Variants in ITGB3 observed in about 807,000 individuals in gnomAD.
ITGB3 encodes integrin subunit beta 3.
In ITGB3, 48 loss-of-function variants were observed where a neutral mutation model predicts 85.8. That is an observed-to-expected ratio of 0.56 (90% confidence interval 0.44 to 0.71). The LOEUF (loss-of-function observed/expected upper bound fraction) is 0.71. Among genes scored for constraint, ITGB3 ranks in the 30% least tolerant of loss-of-function variants. ITGB3 has a pLI of 0.00. For synonymous variants in ITGB3, 363 were observed against 395.6 expected, an observed-to-expected ratio of 0.92 and a Z score of 0.98; for missense variants, 861 against 1,019.1, an observed-to-expected ratio of 0.84 and a Z score of 2.11.
At chr17:47,272,728 GTTCTTTCTT>G (rs2065049850) in intron 1 of ITGB3, among the ~76,000 whole-genome samples, 2 of 51,270 alleles carry the variant, frequency 3.9e-5, no homozygotes, top group African/African-American at 1.6e-4. Context: ...TCTTTCTTTC[GTTCTTTCTT>G]TTCTTTCTTT....
intron 6 of ITGB3, 61 bp from the exon 7 acceptor site, chr17:47,289,620 G>A: frequency 8.2e-7 from 1 of 1,226,040 alleles, no homozygotes; most frequent in Non-Finnish European, 1.2e-6. Context: ...TAAGTTCTAA[G>A]CTTTAGACCC....
intron 1 of ITGB3, chr17:47,259,348 TG>T (rs1298236236): frequency 2.6e-4 from 1 of 3,916 alleles, no homozygotes; most frequent in African/African-American, 9.0e-4. Flanking sequence ...TTTGGGAGGG[TG>T]GGTGGGTGGG....
chr17:47,283,632 G>C, intron 3 of ITGB3, 83 bp downstream of exon 3: 1 of 1,339,040 alleles, frequency 7.5e-7, no homozygotes, highest in East Asian at 2.3e-5. Flanking sequence ...GGAAGTCTTG[G>C]GGAAGTAGCT....
At chr17:47,270,996 C>T (rs1294480472) in intron 1 of ITGB3, among the ~76,000 whole-genome samples, 1 of 152,200 alleles carries the variant, frequency 6.6e-6, no homozygotes. Context: ...TATTCCCCTA[C>T]CTTTCATTTT....
At chr17:47,284,387 C>A in intron 3 of ITGB3, 56 bp from the exon 4 acceptor site, 1 of 1,609,752 alleles carries the variant, frequency 6.2e-7, no homozygotes, top group Non-Finnish European at 8.5e-7. Context: ...TCCAAATCTG[C>A]TTATTCAATC....
intron 12 of ITGB3, among the ~76,000 whole-genome samples, chr17:47,301,538 G>A (rs796298879): frequency 2.6e-5 from 4 of 152,286 alleles, no homozygotes; most frequent in African/African-American, 7.2e-5. Context: ...AGTTCAGAGA[G>A]GAGAGGCTGC....
intron 1 of ITGB3, among the ~76,000 whole-genome samples, chr17:47,267,039 A>G (rs1338735976): frequency 6.6e-6 from 1 of 152,210 alleles, no homozygotes; most frequent in Non-Finnish European, 1.5e-5. Flanking sequence ...CAAGGAAAAA[A>G]AAGTATTCAC....
intron 1 of ITGB3, among the ~76,000 whole-genome samples, chr17:47,268,901 A>G (rs2065034838): frequency 6.6e-6 from 1 of 152,180 alleles, no homozygotes; most frequent in Admixed American, 6.5e-5. Flanking sequence ...CCTGCCTTGT[A>G]GCAAACTTCT....
intron 10 of ITGB3, among the ~76,000 whole-genome samples, chr17:47,294,483 G>A (rs547584331): frequency 1.3e-5 from 2 of 152,288 alleles, no homozygotes; most frequent in South Asian, 2.1e-4. Context: ...AAGCTGACTG[G>A]GTCAGAAGCC....
intron 10 of ITGB3, among the ~76,000 whole-genome samples, chr17:47,296,965 G>T (rs2065148202): frequency 6.6e-6 from 1 of 152,160 alleles, no homozygotes; most frequent in Non-Finnish European, 1.5e-5. Context: ...CAGAACATTT[G>T]ACTCCTAAAA....
At chr17:47,273,115 C>A (rs988118590) in intron 1 of ITGB3, among the ~76,000 whole-genome samples, 1 of 152,126 alleles carries the variant, frequency 6.6e-6, no homozygotes, top group African/African-American at 2.4e-5. Context: ...TATACACCCT[C>A]ATTTTCTGAG....
intron 4 of ITGB3, among the ~76,000 whole-genome samples, chr17:47,285,656 T>G (rs970240977): frequency 6.6e-6 from 1 of 152,126 alleles, no homozygotes; most frequent in African/African-American, 2.4e-5. Flanking sequence ...TGATGTGGCA[T>G]TCAACCTTCT....
intron 13 of ITGB3, among the ~76,000 whole-genome samples, chr17:47,307,069 G>T (rs1325562055): frequency 2.6e-5 from 4 of 152,158 alleles, no homozygotes; most frequent in African/African-American, 9.7e-5. Flanking sequence ...AGTCATGGGG[G>T]TCTGGTGTAC....
chr17:47,266,731 C>T (rs1000261710), intron 1 of ITGB3, among the ~76,000 whole-genome samples: 4 of 152,092 alleles, frequency 2.6e-5, no homozygotes, highest in Non-Finnish European at 5.9e-5. Flanking sequence ...GTGCATGCTA[C>T]CATGCCCAGC....
Position 47,253,889 on chromosome 17 carries a change from C to G in ITGB3, c.28C>G (p.Leu10Val), listed in dbSNP as rs1489964393. MRARPRPRP[L>V]WATVLALGAL... ...GCGAGCGCGGCCGCGGCCCCGGCCG[C>G]TCTGGGCGACTGTGCTGGCGCTGGG... The change falls in exon 1 of 15, where the codon CTC becomes GTC. Residue 10 changes from leucine (L) to valine (V), a missense_variant. By Grantham distance (32) the Leu-to-Val change is conservative (BLOSUM62 1). Transcript: ENST00000559488. The G allele has an allele frequency of 7.6e-7, 1 of 1,314,166 alleles. No individual in the cohort carries two copies. Among genetic ancestry groups the G allele is most frequent in the African/African-American group, 1.5e-5 (1 of 65,638 alleles). 81.4% of individuals were successfully genotyped at this position (1,314,166 alleles called of 1,614,324 possible).
intron 1 of ITGB3, among the ~76,000 whole-genome samples, chr17:47,264,242 G>T (rs896210441): frequency 6.6e-6 from 1 of 152,178 alleles, no homozygotes; most frequent in Admixed American, 6.5e-5. Flanking sequence ...GCAAATGGCA[G>T]CTTTGCTCTG....
At chr17:47,255,803 C>A (rs2064987448) in intron 1 of ITGB3, among the ~76,000 whole-genome samples, 1 of 152,120 alleles carries the variant, frequency 6.6e-6, no homozygotes, top group East Asian at 1.9e-4. Context: ...GTGACTGGGA[C>A]TAAAACAGAT....
At chr17:47,304,554 T>C (rs1180234131) in intron 13 of ITGB3, among the ~76,000 whole-genome samples, 1 of 152,242 alleles carries the variant, frequency 6.6e-6, no homozygotes, top group Non-Finnish European at 1.5e-5. Context: ...TAATCATTTA[T>C]CTGAAATTCA....
chr17:47,289,833 A>G, intron 7 of ITGB3, 57 bp downstream of exon 7: 2 of 1,236,220 alleles, frequency 1.6e-6, no homozygotes, highest in African/African-American at 1.5e-5. Flanking sequence ...TGCCCCAGGT[A>G]GCCAGCCTGT....
Sources: gnomAD v4.1 joint callset for allele counts (sites outside exome capture counted in the v4.1 genomes callset) on GRCh38, gnomAD v4.1.1 for gene constraint, MANE v1.5 for transcripts, NCBI Gene and HGNC (gene_info 2026-07-23, HGNC 2026-07-21) for gene names.